RBFOX3: variants seen among roughly 807,000 people sequenced by gnomAD.
RBFOX3 encodes RNA binding fox-1 homolog 3.
A neutral mutation model predicts 48.7 loss-of-function variants in RBFOX3; 17 were observed. That is an observed-to-expected ratio of 0.35 (90% CI 0.24 to 0.52). RBFOX3 has a LOEUF of 0.52. RBFOX3 is among the 20% of genes least tolerant of loss of function. The pLI is 0.94. For missense variants in RBFOX3, 382 were observed against 497.5 expected (o/e 0.77, Z 2.21); for synonymous variants, 212 against 209.5 (o/e 1.01, Z -0.10).
At chr17:79,560,917 T>C (rs1368561544) in intron 1 of RBFOX3, among the ~76,000 whole-genome samples, 1 of 152,114 alleles carries the variant, frequency 6.6e-6, no homozygotes, top group Non-Finnish European at 1.5e-5. Flanking sequence ...CGGAAGCTCA[T>C]GGGGATTCAA....
At chr17:79,097,252 C>T in intron 11 of RBFOX3, 40 bp downstream of exon 11, 1 of 1,500,504 alleles carries the variant, frequency 6.7e-7, no homozygotes, top group Non-Finnish European at 9.0e-7. Context: ...CCCCGCCGTC[C>T]TACCCCCTCC....
chr17:79,222,402 C>T (rs1035132916), intron 4 of RBFOX3, among the ~76,000 whole-genome samples: 1 of 152,224 alleles, frequency 6.6e-6, no homozygotes, highest in Non-Finnish European at 1.5e-5. Flanking sequence ...CCTTAGTGTC[C>T]TCATGTCTAA....
intron 2 of RBFOX3, among the ~76,000 whole-genome samples, chr17:79,314,647 C>CT: frequency 7.5e-6 from 1 of 133,020 alleles, no homozygotes; most frequent in East Asian, 2.5e-4. Context: ...ATAAAAGGAA[C>CT]GTATCAGAAA....
chr17:79,240,633 C>T (rs2062220480), intron 3 of RBFOX3, among the ~76,000 whole-genome samples: 1 of 152,174 alleles, frequency 6.6e-6, no homozygotes, highest in African/African-American at 2.4e-5. Context: ...TCTGATGTTT[C>T]TCCTGGTCTG....
chr17:79,286,155 G>A (rs78082496), intron 3 of RBFOX3, among the ~76,000 whole-genome samples: 4,625 of 152,198 alleles, frequency 0.03, 114 homozygotes, highest in East Asian at 0.069. Flanking sequence ...CTGCCTCTCC[G>A]AGCCCTTGTG....
chr17:79,391,761 G>A lies in RBFOX3; in HGVS notation c.-174-83937C>T, dbSNP rs1003716734. Among the ~76,000 whole-genome samples the A allele has an allele frequency of 6.6e-6, 1 of 152,094 alleles. No individual in the cohort carries two copies. The highest frequency in any genetic ancestry group is 2.4e-5 in the African/African-American group (1 of 41,402). The stretch of plus-strand genomic sequence containing the variant: ...GTGTGAGTTAGGGTGGGGGGTATGT[G>A]GAGACACCAGGACCACCAACATGCA... On this transcript the variant is annotated intron_variant, in intron 2 of 14. Coordinates refer to ENST00000693108, the MANE Select transcript of RBFOX3 (RefSeq NM_001350451.2). The surrounding 1 kb of genome is among the most constrained non-coding windows in gnomAD (Gnocchi z 5.0).
chr17:79,500,621 C>T (rs2082263426), intron 1 of RBFOX3, among the ~76,000 whole-genome samples: 8 of 152,150 alleles, frequency 5.3e-5, no homozygotes. Flanking sequence ...AACTGGTATA[C>T]CTTCCCCCTT....
chr17:79,487,827 G>A (rs1457830378), intron 1 of RBFOX3, among the ~76,000 whole-genome samples: 3 of 149,042 alleles, frequency 2.0e-5, no homozygotes, highest in Non-Finnish European at 4.4e-5. Flanking sequence ...CAGGAGAATG[G>A]TGTGAACCCA....
At chr17:79,429,875 G>C (rs965482181) in intron 2 of RBFOX3, among the ~76,000 whole-genome samples, 5 of 152,172 alleles carry the variant, frequency 3.3e-5, no homozygotes. Flanking sequence ...CTATAAATTC[G>C]TGGTTCTGCT....
In RBFOX3 at chr17:79,097,751, A is replaced by G; in HGVS notation, c.569-6T>C. On this transcript the variant is annotated splice_region_variant and splice_polypyrimidine_tract_variant and intron_variant, in intron 9 of 14. Transcript: ENST00000693108. The stretch of plus-strand genomic sequence containing the variant: ...CACTGGATTTAGCTTCCAGCCTAAA[A>G]CAAAGGCACAGAGACCTAGTCACTG... 3 of 1,551,400 alleles carry G rather than the reference A, an allele frequency of 1.9e-6. No individual in the cohort carries two copies. Among genetic ancestry groups the G allele is most frequent in the Non-Finnish European group, 2.6e-6 (3 of 1,146,890 alleles).
intron 4 of RBFOX3, among the ~76,000 whole-genome samples, chr17:79,168,296 A>T (rs2048437761): frequency 6.6e-6 from 1 of 152,232 alleles, no homozygotes; most frequent in South Asian, 2.1e-4. Context: ...CCAACCCTAA[A>T]TTAAAATAAA....
chr17:79,126,463 G>A (rs1193394113), intron 4 of RBFOX3, among the ~76,000 whole-genome samples: 1 of 151,592 alleles, frequency 6.6e-6, no homozygotes, highest in African/African-American at 2.4e-5. Context: ...CCCGGGGGCT[G>A]ACCTCTGGCA....
In RBFOX3 at chr17:79,448,797, G is replaced by A. The variant is rs183405859; in HGVS notation, c.-175+33657C>T. On this transcript the variant is annotated intron_variant, in intron 2 of 14. Coordinates refer to ENST00000693108, the MANE Select transcript of RBFOX3 (RefSeq NM_001350451.2). ...GGTTCAACACCAGGAATCTGGCCTC[G>A]CAGGCTCAGAAGTAGGCCATCTCCC... 9.5e-3 allele frequency among the ~76,000 whole-genome samples: 1,452 copies of A among 152,232 alleles called. 8 individuals carry two copies. Among genetic ancestry groups the A allele is most frequent in the African/African-American group, 0.018 (764 of 41,542 alleles).
intron 3 of RBFOX3, among the ~76,000 whole-genome samples, chr17:79,269,502 T>C (rs969882293): frequency 1.3e-5 from 2 of 151,956 alleles, no homozygotes; most frequent in African/African-American, 4.8e-5. Flanking sequence ...TGGGAAAAAA[T>C]TCCCCCCTTG....
At chr17:79,208,129 C>T (rs2057779845) in intron 4 of RBFOX3, among the ~76,000 whole-genome samples, 1 of 152,108 alleles carries the variant, frequency 6.6e-6, no homozygotes, top group Non-Finnish European at 1.5e-5. Flanking sequence ...CTCCCTCTCC[C>T]CTCTGTTGGT....
chr17:79,507,385 G>A (rs948132503), intron 1 of RBFOX3, among the ~76,000 whole-genome samples: 12 of 152,236 alleles, frequency 7.9e-5, no homozygotes, highest in African/African-American at 2.4e-4. Flanking sequence ...TGAGGTTGGA[G>A]GGCCTAAATT....
At chr17:79,623,020 C>T in the RBFOX3 span, among the ~76,000 whole-genome samples, 1 of 152,084 alleles carries the variant, frequency 6.6e-6, no homozygotes, top group African/African-American at 2.4e-5. Flanking sequence ...CCCAGACCCT[C>T]AGCTCCCTCC....
chr17:79,445,695 C>T (rs1339767840), intron 2 of RBFOX3, among the ~76,000 whole-genome samples: 1 of 152,222 alleles, frequency 6.6e-6, no homozygotes, highest in East Asian at 1.9e-4. Flanking sequence ...TGGGGCATTC[C>T]AAAGCCCACC....
At chr17:79,109,857 G>A (rs965361531) in intron 5 of RBFOX3, among the ~76,000 whole-genome samples, 5 of 152,224 alleles carry the variant, frequency 3.3e-5, no homozygotes, top group Non-Finnish European at 7.3e-5. Flanking sequence ...CGAGGATGAG[G>A]CGGGAGGAAG....
Sources: allele counts gnomAD v4.1 joint callset (sites outside exome capture counted in the v4.1 genomes callset), GRCh38; gene constraint gnomAD v4.1.1; non-coding constraint Gnocchi (gnomAD v3.1); transcripts MANE v1.5; gene names NCBI Gene and HGNC (gene_info 2026-07-23, HGNC 2026-07-21).